CDH8: variants seen among roughly 807,000 people sequenced by gnomAD.
CDH8 encodes the protein cadherin 8.
In CDH8, 17 loss-of-function variants were observed where a neutral mutation model predicts 68.1. The observed-to-expected ratio is 0.25, with a 90% CI of 0.17 to 0.37. The LOEUF (loss-of-function observed/expected upper bound fraction) is 0.37, where lower values mean the gene tolerates loss of function less well. Ranked by LOEUF, CDH8 falls within the 10% of genes least tolerant of loss-of-function variation. The pLI is 1.00. For synonymous variants in CDH8, 372 were observed against 365.1 expected (o/e 1.02, Z -0.21); for missense variants, 763 against 999.3 (o/e 0.76, Z 3.19).
intron 1 of CDH8, among the ~76,000 whole-genome samples, chr16:62,025,400 TCCAAAGGTCTAG>T (rs554154535): frequency 1.7e-3 from 251 of 152,116 alleles, no homozygotes; most frequent in South Asian, 4.8e-3. Flanking sequence ...GTTTGATTTC[TCCAAAGGTCTAG>T]CCATATACCA....
At chr16:61,902,416 A>G (rs1263776306) in intron 2 of CDH8, among the ~76,000 whole-genome samples, 1 of 152,092 alleles carries the variant, frequency 6.6e-6, no homozygotes, top group African/African-American at 2.4e-5. Flanking sequence ...TCCTGTTTTA[A>G]AAAACTAAAA....
At chr16:61,954,072 T>C (rs570467740) in intron 2 of CDH8, among the ~76,000 whole-genome samples, 60 of 152,044 alleles carry the variant, frequency 3.9e-4, no homozygotes, top group Admixed American at 3.5e-3. Context: ...AATCGTCTCA[T>C]TTAATACACC....
At chr16:61,922,860 A>G (rs1181245354) in intron 2 of CDH8, among the ~76,000 whole-genome samples, 1 of 152,200 alleles carries the variant, frequency 6.6e-6, no homozygotes, top group East Asian at 1.9e-4. Context: ...GGAGTGGGGT[A>G]TTTTTAAACT....
In CDH8 at chr16:61,664,804, T is replaced by C. The variant is rs77858992; in HGVS notation, c.1655-9083A>G. 5.4e-3 allele frequency among the ~76,000 whole-genome samples: 819 copies of C among 152,140 alleles called. 12 individuals carry two copies. The highest frequency in any genetic ancestry group is 0.047 in the East Asian group (244 of 5,164). ...TATTTTACTGAAGTGAAATTGGATA[T>C]ATTAGTCCTATATTCAGAGAGGGGC... On this transcript the variant is annotated intron_variant, in intron 10 of 11. Transcript: ENST00000577390.
rs10595910 is a variant in CDH8, at chr16:61,719,994, A to AACAC, written c.1537-6040_1537-6037dup. Among the ~76,000 whole-genome samples, 981 of 147,170 alleles carry AACAC rather than the reference A, an allele frequency of 6.7e-3. 6 individuals carry two copies. The highest frequency in any genetic ancestry group is 0.034 in the Middle Eastern group (10 of 294). ...TTAATGTCTCCCAATCTTATTAGGT[A>AACAC]ACACACACACACACACACACACACA... On this transcript the variant is annotated intron_variant, in intron 9 of 11. Transcript: ENST00000577390.
chr16:61,690,274 C>T (rs1306637198), intron 10 of CDH8, among the ~76,000 whole-genome samples: 1 of 152,012 alleles, frequency 6.6e-6, no homozygotes, highest in Non-Finnish European at 1.5e-5. Flanking sequence ...TATTTCTTGG[C>T]TTGAATAGAT....
At position 61,767,693 on chromosome 16, in the gene CDH8, A is replaced by G. The variant is rs1425691912; in HGVS notation, c.1414+21653T>C. 2.6e-5 allele frequency among the ~76,000 whole-genome samples: 4 copies of G among 151,968 alleles called. No homozygotes were observed. In the East Asian group the frequency reaches 7.7e-4, roughly 29 times the overall value. Reference sequence around the variant, plus strand: ...GGGTTTTGTCCTCAATTTGGTAGGAACAGAAATTTTAGTCTATCAGCACAT... The same window carrying G: ...GGGTTTTGTCCTCAATTTGGTAGGAGCAGAAATTTTAGTCTATCAGCACAT... On this transcript the variant is annotated intron_variant, in intron 8 of 11. Coordinates refer to ENST00000577390, the MANE Select transcript of CDH8 (RefSeq NM_001796.5).
chr16:61,919,235 G>A (rs1008012447), intron 2 of CDH8, among the ~76,000 whole-genome samples: 3 of 147,480 alleles, frequency 2.0e-5, no homozygotes, highest in African/African-American at 7.5e-5. Context: ...CAGAAAAACT[G>A]GAAACTCTAA....
chr16:61,700,345 C>A (rs1474676551), intron 10 of CDH8, among the ~76,000 whole-genome samples: 1 of 149,854 alleles, frequency 6.7e-6, no homozygotes. Context: ...CAGTGGCGTG[C>A]TCTTGGCTCA....
intron 8 of CDH8, among the ~76,000 whole-genome samples, chr16:61,758,148 T>C (rs1367311028): frequency 1.3e-5 from 2 of 152,020 alleles, no homozygotes; most frequent in Non-Finnish European, 1.5e-5. Context: ...GTAAAGTAAC[T>C]ACAACAAGGA....
Position 61,724,044 on chromosome 16 carries a change from CAGAG to C in CDH8, c.1536+3046_1536+3049del, listed in dbSNP as rs201775808. 1.1e-4 allele frequency among the ~76,000 whole-genome samples: 16 copies of C among 150,438 alleles called. 1 individual carries two copies. Among genetic ancestry groups the C allele is most frequent in the East Asian group, 2.0e-4 (1 of 5,120 alleles). On this transcript the variant is annotated intron_variant, in intron 9 of 11. Coordinates refer to ENST00000577390, the MANE Select transcript of CDH8 (RefSeq NM_001796.5). ...ACATATATAATATTTAATTATGTAA[CAGAG>C]AGATTATTTAAAAGGATTCTAATCA...
At chr16:61,705,652 C>G (rs968416466) in intron 10 of CDH8, among the ~76,000 whole-genome samples, 2 of 152,136 alleles carry the variant, frequency 1.3e-5, no homozygotes, top group African/African-American at 4.8e-5. Flanking sequence ...TCTGACCAGA[C>G]AAATGCTTCC....
At chr16:61,953,018 G>A (rs1964922020) in intron 2 of CDH8, among the ~76,000 whole-genome samples, 1 of 152,238 alleles carries the variant, frequency 6.6e-6, no homozygotes, top group South Asian at 2.1e-4. Context: ...CCTTTGGGAG[G>A]TGATTAGGTA....
At chr16:61,997,198 C>A (rs1406149933) in intron 2 of CDH8, among the ~76,000 whole-genome samples, 1 of 152,060 alleles carries the variant, frequency 6.6e-6, no homozygotes, top group Non-Finnish European at 1.5e-5. Flanking sequence ...GCTGATGTGC[C>A]AGGAATTCTC....
chr16:61,865,846 A>G (rs531641621), intron 3 of CDH8, among the ~76,000 whole-genome samples: 3 of 152,312 alleles, frequency 2.0e-5, no homozygotes, highest in African/African-American at 7.2e-5. Context: ...TTAGACTGGC[A>G]GCTATCGATA....
intron 2 of CDH8, among the ~76,000 whole-genome samples, chr16:61,946,763 C>A (rs1021023292): frequency 2.6e-5 from 4 of 152,186 alleles, no homozygotes; most frequent in Non-Finnish European, 4.4e-5. Context: ...AAGGTCAATG[C>A]CACAAAGCAA....
At chr16:62,020,949 T>G (rs1244557928) in intron 2 of CDH8, among the ~76,000 whole-genome samples, 2 of 151,978 alleles carry the variant, frequency 1.3e-5, no homozygotes, top group East Asian at 3.9e-4. Flanking sequence ...GAAGAGGTGG[T>G]AGGAGAAGCT....
intron 2 of CDH8, among the ~76,000 whole-genome samples, chr16:61,919,754 CAGG>C (rs1325075032): frequency 6.6e-6 from 1 of 151,960 alleles, no homozygotes; most frequent in African/African-American, 2.4e-5. Context: ...GGATATTATC[CAGG>C]AGAACTTCCC....
chr16:61,904,792 G>A (rs538792368), intron 2 of CDH8, among the ~76,000 whole-genome samples: 15 of 152,256 alleles, frequency 9.9e-5, no homozygotes, highest in East Asian at 3.9e-4. Flanking sequence ...AACACAGAGC[G>A]GATACATGGT....
Sources: gnomAD v4.1 joint callset for allele counts (sites outside exome capture counted in the v4.1 genomes callset) on GRCh38, gnomAD v4.1.1 for gene constraint, MANE v1.5 for transcripts, NCBI Gene and HGNC (gene_info 2026-07-23, HGNC 2026-07-21) for gene names.